Variants in OCLN observed in about 807,000 individuals in gnomAD.
The protein encoded by OCLN is occludin.
In OCLN, 21 loss-of-function variants were observed where a neutral mutation model predicts 47.9. That is an observed-to-expected ratio of 0.44 (90% CI 0.31 to 0.63). The LOEUF (loss-of-function observed/expected upper bound fraction) is 0.63, where lower values mean the gene tolerates loss of function less well. OCLN is among the 30% of genes least tolerant of loss of function. The pLI is 0.08. For synonymous variants in OCLN, 117 were observed against 198.4 expected (o/e 0.59, Z 3.45); for missense variants, 360 against 571.0 (o/e 0.63, Z 3.77).
chr5:69,523,411 C>A (rs1769195076), intron 4 of OCLN, among the ~76,000 whole-genome samples: 1 of 151,944 alleles, frequency 6.6e-6, no homozygotes, highest in Non-Finnish European at 1.5e-5. Flanking sequence ...TTTATATTAA[C>A]AGAAAGCATT....
intron 1 of OCLN, among the ~76,000 whole-genome samples, chr5:69,499,688 G>A (rs1019372336): frequency 1.3e-5 from 2 of 152,090 alleles, no homozygotes; most frequent in African/African-American, 4.8e-5. Flanking sequence ...GGATTCAAGC[G>A]ATTCTCCTGC....
chr5:69,503,967 G>A (rs982910250), intron 1 of OCLN, among the ~76,000 whole-genome samples: 1 of 152,094 alleles, frequency 6.6e-6, no homozygotes, highest in Non-Finnish European at 1.5e-5. Flanking sequence ...AGGCATGGTG[G>A]TGCAGGTCTG....
chr5:69,497,341 T>A (rs147139797), intron 1 of OCLN, among the ~76,000 whole-genome samples: 96 of 152,110 alleles, frequency 6.3e-4, no homozygotes, highest in African/African-American at 2.3e-3. Flanking sequence ...GGCCAAACAT[T>A]TCCTGTTTTT....
At chr5:69,510,899 C>T (rs898645103) in intron 3 of OCLN, among the ~76,000 whole-genome samples, 2 of 152,184 alleles carry the variant, frequency 1.3e-5, no homozygotes, top group African/African-American at 4.8e-5. Flanking sequence ...TCTCCACATC[C>T]TCACCAACAC....
At chr5:69,532,120 C>T (rs965181527) in intron 4 of OCLN, among the ~76,000 whole-genome samples, 5 of 152,032 alleles carry the variant, frequency 3.3e-5, no homozygotes, top group African/African-American at 1.2e-4. Flanking sequence ...ACTTTATGTA[C>T]TAGGTAGTTT....
At chr5:69,496,591 T>G (rs28531719) in intron 1 of OCLN, among the ~76,000 whole-genome samples, 121,039 of 139,676 alleles carry the variant, frequency 0.87, 52,622 homozygotes, top group South Asian at 0.9. Context: ...TTAAGATAGA[T>G]AACGGAGTCT....
In OCLN at chr5:69,509,101, A is replaced by G. The variant is rs1768690642; in HGVS notation, c.51-40A>G. The stretch of plus-strand genomic sequence containing the variant: ...AGTTGTGTTCTTTCTGCTTACTACC[A>G]AAAAATGCTAACTTGAAATTATTTT... On this transcript the variant is annotated intron_variant, in intron 2 of 8. Coordinates refer to ENST00000396442, the MANE Select transcript of OCLN (RefSeq NM_001205254.2). 1.5e-5 allele frequency: 24 copies of G among 1,568,446 alleles called. No homozygotes were observed. The East Asian group carries it at 5.4e-4, about 35-fold the overall frequency.
At chr5:69,503,260 G>C (rs1768509057) in intron 1 of OCLN, among the ~76,000 whole-genome samples, 1 of 152,030 alleles carries the variant, frequency 6.6e-6, no homozygotes, top group Admixed American at 6.6e-5. Context: ...TTCAAATCTG[G>C]TTCAAATCAA....
chr5:69,504,475 T>G (rs923351998), intron 2 of OCLN, among the ~76,000 whole-genome samples, 181 bp downstream of exon 2: 3 of 152,234 alleles, frequency 2.0e-5, no homozygotes, highest in African/African-American at 4.8e-5. Flanking sequence ...AGAATGACAG[T>G]TTGTCTCTGC....
At position 69,509,602 on chromosome 5, in the gene OCLN, A is replaced by G. The variant is rs1305728099; in HGVS notation, c.512A>G (p.Tyr171Cys). The change falls in exon 3 of 9, where the codon TAC (tyrosine) becomes TGC (cysteine). Residue 171 changes from tyrosine (Y) to cysteine (C), a missense_variant. Physicochemically the swap from Tyr to Cys is radical, Grantham distance 194. Around this residue, in one of 3 missense-constraint regions of OCLN, gnomAD observed 314 missense variants for 368.1 expected, o/e 0.85. Transcript: ENST00000396442. ...IRSEMSRTRR[Y>C]YLSVIIVSAI... is the part of the protein sequence containing the mutation. The stretch of plus-strand genomic sequence containing the variant: ...TCTGAAATGTCCAGAACAAGAAGAT[A>G]CTACTTAAGTGTGATAATAGTGAGT... The G allele has an allele frequency of 2.5e-6, 4 of 1,614,096 alleles. No individual in the cohort carries two copies. The highest frequency in any genetic ancestry group is 2.2e-5 in the East Asian group (1 of 44,902).
At chr5:69,517,956 G>A (rs1481751569) in intron 4 of OCLN, among the ~76,000 whole-genome samples, 1 of 152,156 alleles carries the variant, frequency 6.6e-6, no homozygotes, top group Admixed American at 6.5e-5. Flanking sequence ...TTCGTTGGCA[G>A]TTAGATTTGT....
intron 4 of OCLN, among the ~76,000 whole-genome samples, chr5:69,515,098 C>G (rs1179810744): frequency 6.6e-6 from 1 of 151,860 alleles, no homozygotes; most frequent in Non-Finnish European, 1.5e-5. Context: ...CCAGTAGGGG[C>G]GGCCGGGCAG....
chr5:69,494,307 C>G (rs901082573), intron 1 of OCLN, among the ~76,000 whole-genome samples: 1 of 152,210 alleles, frequency 6.6e-6, no homozygotes, highest in African/African-American at 2.4e-5. Flanking sequence ...CCTGCTCAGC[C>G]TCCCGAATAG....
intron 4 of OCLN, among the ~76,000 whole-genome samples, chr5:69,522,347 T>C (rs1277859921): frequency 6.6e-6 from 1 of 152,234 alleles, no homozygotes; most frequent in Admixed American, 6.5e-5. Flanking sequence ...CATTTTAACA[T>C]CCTTGATTGG....
In OCLN at chr5:69,493,886, C is replaced by G. The variant is rs903911792; in HGVS notation, c.-69+986C>G. The stretch of plus-strand genomic sequence containing the variant: ...GCGGCGCCGAGCCCCTCGCGCTCCT[C>G]GGGAAGCCACCGGGCCCGAGGGAAA... On this transcript the variant is annotated intron_variant, in intron 1 of 8. Transcript: ENST00000396442. This position sits in a 1 kb window ranked among gnomAD's most constrained non-coding sequence, Gnocchi z 5.3. Among the ~76,000 whole-genome samples, 10 of 152,168 alleles carry G rather than the reference C, an allele frequency of 6.6e-5. No individual in the cohort carries two copies. Among genetic ancestry groups the G allele is most frequent in the Non-Finnish European group, 1.5e-4 (10 of 68,024 alleles).
chr5:69,497,948 C>T (rs1034353084), intron 1 of OCLN, among the ~76,000 whole-genome samples: 36 of 151,678 alleles, frequency 2.4e-4, no homozygotes, highest in African/African-American at 8.2e-4. Context: ...CCGGCTAAAA[C>T]GGTGAAACCC....
intron 2 of OCLN, among the ~76,000 whole-genome samples, chr5:69,506,530 C>T (rs983720380): frequency 6.6e-5 from 10 of 152,158 alleles, no homozygotes; most frequent in African/African-American, 1.9e-4. Flanking sequence ...TAAGCTTCAG[C>T]CCCTCTTTCC....
At chr5:69,550,420 G>T (rs1006117768) in intron 7 of OCLN, among the ~76,000 whole-genome samples, 6 of 151,324 alleles carry the variant, frequency 4.0e-5, no homozygotes, top group Non-Finnish European at 5.9e-5. Flanking sequence ...TCGAACTCCT[G>T]ACCTCAGGTG....
chr5:69,519,681 T>G (rs1487773999), intron 4 of OCLN, among the ~76,000 whole-genome samples: 1 of 152,178 alleles, frequency 6.6e-6, no homozygotes, highest in East Asian at 1.9e-4. Context: ...TTTTATTTGG[T>G]TAAGTATGGA....
Sources: allele counts gnomAD v4.1 joint callset (sites outside exome capture counted in the v4.1 genomes callset), GRCh38; gene constraint gnomAD v4.1.1; regional missense constraint gnomAD v4.1.1; non-coding constraint Gnocchi (gnomAD v3.1); transcripts MANE v1.5; gene names NCBI Gene and HGNC (gene_info 2026-07-23, HGNC 2026-07-21).